LHFPL3: variants seen among roughly 807,000 people sequenced by gnomAD.
LHFPL3 encodes LHFPL tetraspan subfamily member 3.
In LHFPL3, 5 loss-of-function variants were observed where a neutral mutation model predicts 19.3. The ratio of observed to expected loss-of-function variants is 0.26; its 90% CI spans 0.14 to 0.54. The LOEUF (loss-of-function observed/expected upper bound fraction) is 0.54, where lower values mean the gene tolerates loss of function less well. LHFPL3 is among the 20% of genes least tolerant of loss of function. The pLI is 0.94. For synonymous variants in LHFPL3, 133 were observed against 126.2 expected, an observed-to-expected ratio of 1.05 and a Z score of -0.36; for missense variants, 249 against 307.4, an observed-to-expected ratio of 0.81 and a Z score of 1.42.
intron 2 of LHFPL3, 23 bp downstream of exon 2, chr7:104,736,934 T>C: frequency 6.5e-7 from 1 of 1,544,538 alleles, no homozygotes; most frequent in Non-Finnish European, 8.8e-7. Flanking sequence ...TAAGGAACTC[T>C]TACCTGGATG....
chr7:104,632,327 C>T (rs1791659040), intron 1 of LHFPL3, among the ~76,000 whole-genome samples: 2 of 152,082 alleles, frequency 1.3e-5, no homozygotes, highest in Admixed American at 1.3e-4. Context: ...TTGCATAGGA[C>T]CATTACTAAT....
chr7:104,841,956 A>T (rs901767602), intron 2 of LHFPL3, among the ~76,000 whole-genome samples: 4 of 151,956 alleles, frequency 2.6e-5, no homozygotes, highest in African/African-American at 9.7e-5. Flanking sequence ...GGCTTCATTT[A>T]TCATGGTGCA....
intron 1 of LHFPL3, among the ~76,000 whole-genome samples, chr7:104,475,130 T>C (rs1792986120): frequency 6.6e-6 from 1 of 152,246 alleles, no homozygotes; most frequent in African/African-American, 2.4e-5. Flanking sequence ...TTGTAAGCTA[T>C]TCATTTACTA....
chr7:104,537,798 G>T (rs1359279607), intron 1 of LHFPL3, among the ~76,000 whole-genome samples: 2 of 152,150 alleles, frequency 1.3e-5, no homozygotes, highest in Non-Finnish European at 2.9e-5. Flanking sequence ...TTTCTGTTGT[G>T]GTCTCTAATG....
intron 1 of LHFPL3, among the ~76,000 whole-genome samples, chr7:104,652,455 G>A (rs1437310646): frequency 6.6e-6 from 1 of 152,172 alleles, no homozygotes; most frequent in Non-Finnish European, 1.5e-5. Context: ...GGATGCATGT[G>A]ATATTTTGAT....
chr7:104,878,988 G>A (rs997104962), intron 2 of LHFPL3, among the ~76,000 whole-genome samples: 1 of 152,190 alleles, frequency 6.6e-6, no homozygotes, highest in African/African-American at 2.4e-5. Flanking sequence ...CCAAAGCCTA[G>A]TCGAGAGCAA....
chr7:104,717,725 A>G (rs1401230867), intron 1 of LHFPL3, among the ~76,000 whole-genome samples: 1 of 152,222 alleles, frequency 6.6e-6, no homozygotes, highest in Non-Finnish European at 1.5e-5. Flanking sequence ...TGGTACAGCC[A>G]CTATGAAAAA....
chr7:104,381,989 A>AG (rs34487317), intron 1 of LHFPL3, among the ~76,000 whole-genome samples: 63,616 of 151,878 alleles, frequency 0.42, 13,647 homozygotes, highest in Admixed American at 0.54. Context: ...TGAGATGTAC[A>AG]GAGTATATTT....
intron 1 of LHFPL3, among the ~76,000 whole-genome samples, chr7:104,387,995 A>C (rs561213098): frequency 6.6e-6 from 1 of 152,174 alleles, no homozygotes; most frequent in African/African-American, 2.4e-5. Context: ...CTTTGTGTCC[A>C]TATGTACTCA....
chr7:104,497,931 G>T (rs866476663), intron 1 of LHFPL3, among the ~76,000 whole-genome samples: 7 of 144,100 alleles, frequency 4.9e-5, no homozygotes, highest in African/African-American at 1.9e-4. Flanking sequence ...GAAGCCAGGA[G>T]CCAAAGGCCT....
intron 1 of LHFPL3, among the ~76,000 whole-genome samples, chr7:104,454,126 G>C (rs1792496772): frequency 1.3e-5 from 2 of 152,198 alleles, no homozygotes; most frequent in South Asian, 4.1e-4. Flanking sequence ...TCAGGAATAG[G>C]GAAGCTAACC....
intron 1 of LHFPL3, among the ~76,000 whole-genome samples, chr7:104,574,496 G>T (rs1790285788): frequency 6.6e-6 from 1 of 152,200 alleles, no homozygotes; most frequent in African/African-American, 2.4e-5. Flanking sequence ...ATCTGTGAAA[G>T]ACTGCTCAAA....
intron 1 of LHFPL3, among the ~76,000 whole-genome samples, chr7:104,570,757 G>T (rs1790216710): frequency 6.6e-6 from 1 of 152,094 alleles, no homozygotes; most frequent in Non-Finnish European, 1.5e-5. Context: ...TATCACGGGG[G>T]TTTGTTGTAC....
At chr7:104,481,895 T>A (rs1793143515) in intron 1 of LHFPL3, among the ~76,000 whole-genome samples, 1 of 152,190 alleles carries the variant, frequency 6.6e-6, no homozygotes, top group Non-Finnish European at 1.5e-5. Flanking sequence ...GTCTAGGATA[T>A]GCTACTGTGT....
At position 104,906,460 on chromosome 7, in the gene LHFPL3, A is replaced by G. The variant is rs969421914; in HGVS notation, c.*245A>G. On this transcript the variant is annotated 3_prime_UTR_variant, in exon 3 of 3. Coordinates refer to ENST00000424859, the MANE Select transcript of LHFPL3 (RefSeq NM_199000.3). ...TTAAACACCAGCTCATTGGAAACTC[A>G]TTGGATGAGATCAGAAAACGTTCAT... The G allele has an allele frequency of 2.0e-6, 1 of 510,410 alleles. No individual in the cohort carries two copies. Among genetic ancestry groups the G allele is most frequent in the Non-Finnish European group, 3.4e-6 (1 of 290,366 alleles). The allele number at this position is 510,410 out of a possible 1,614,324, so 31.6% of individuals were successfully genotyped here. A position where few individuals can be genotyped will look rare whatever the true frequency, so the allele number is the denominator to read the frequency against.
intron 1 of LHFPL3, among the ~76,000 whole-genome samples, chr7:104,715,045 C>G (rs1482935687): frequency 1.3e-5 from 2 of 151,826 alleles, no homozygotes; most frequent in African/African-American, 2.4e-5. Context: ...TGCCTATTAA[C>G]AATATGTGCA....
intron 2 of LHFPL3, among the ~76,000 whole-genome samples, chr7:104,876,776 G>T (rs970005296): frequency 7.2e-5 from 11 of 152,090 alleles, no homozygotes; most frequent in Non-Finnish European, 1.5e-4. Flanking sequence ...CCATTACTGG[G>T]TATATACCCA....
intron 1 of LHFPL3, among the ~76,000 whole-genome samples, chr7:104,539,339 G>A (rs1485074221): frequency 1.3e-5 from 2 of 152,152 alleles, no homozygotes; most frequent in East Asian, 3.8e-4. Flanking sequence ...TTCTACAAAG[G>A]TGAGAAGATG....
intron 1 of LHFPL3, among the ~76,000 whole-genome samples, chr7:104,706,803 G>A (rs1354554217): frequency 1.3e-5 from 2 of 152,186 alleles, no homozygotes. Context: ...TTGTCTCCAT[G>A]ATGGCATTTT....
Sources: allele counts gnomAD v4.1 joint callset (sites outside exome capture counted in the v4.1 genomes callset), GRCh38; gene constraint gnomAD v4.1.1; transcripts MANE v1.5; gene names NCBI Gene and HGNC (gene_info 2026-07-23, HGNC 2026-07-21).